The following MACF1 variants were observed in gnomAD, a reference collection of about 807,000 sequenced individuals.
MACF1 encodes microtubule-actin cross-linking factor 1.
Under a neutral mutation model 854.8 loss-of-function variants are expected in MACF1, and 193 were observed. The ratio of observed to expected loss-of-function variants is 0.23; its 90% CI spans 0.20 to 0.25. The LOEUF is 0.25. MACF1 is among the 10% of genes least tolerant of loss of function. MACF1 has a pLI of 1.00. For synonymous variants in MACF1, 3,185 were observed against 3,226.7 expected (o/e 0.99, Z 0.44); for missense variants, 7,722 against 8,929.1 (o/e 0.86, Z 5.45).
chr1:39,106,972 C>T (rs1484928495), intron 2 of MACF1, among the ~76,000 whole-genome samples: 1 of 152,090 alleles, frequency 6.6e-6, no homozygotes, highest in Non-Finnish European at 1.5e-5. Context: ...TTCTGTCAAC[C>T]CCCTGTGGTC....
chr1:39,199,152 A>T (rs1644358768), intron 2 of MACF1, among the ~76,000 whole-genome samples: 1 of 151,422 alleles, frequency 6.6e-6, no homozygotes, highest in Non-Finnish European at 1.5e-5. Context: ...CGGCTGGCTA[A>T]TTTTTTGTAT....
chr1:39,275,925 CT>C (rs35766460), intron 6 of MACF1, among the ~76,000 whole-genome samples: 12 of 146,688 alleles, frequency 8.2e-5, no homozygotes, highest in African/African-American at 2.5e-4. Flanking sequence ...TCTTCTTCTT[CT>C]TTTTTTTTTT....
chr1:39,164,383 C>T (rs1643863674), intron 2 of MACF1, among the ~76,000 whole-genome samples: 1 of 152,156 alleles, frequency 6.6e-6, no homozygotes, highest in Non-Finnish European at 1.5e-5. Context: ...AGCTCTTGGC[C>T]CCTTGTCCTC....
chr1:39,212,366 G>C (rs138285522), intron 1 of MACF1, among the ~76,000 whole-genome samples: 41 of 152,204 alleles, frequency 2.7e-4, no homozygotes, highest in Non-Finnish European at 1.8e-4. Context: ...TGAAGGGAAG[G>C]CCTGTCTCCT....
chr1:39,420,439 T>C (rs1429897821), intron 58 of MACF1, among the ~76,000 whole-genome samples: 1 of 152,260 alleles, frequency 6.6e-6, no homozygotes, highest in Non-Finnish European at 1.5e-5. Flanking sequence ...AGCAGTTGTT[T>C]TTTCTGGGAA....
rs190411012 is a variant in MACF1, at chr1:39,159,661, T to G, written c.221-71521T>G. ...ATGAGAAGAATGTACTCAGATGTGATGTAGGACTCTTTTTGGATATTAAAG... is the reference window on the plus strand; with the variant it reads ...ATGAGAAGAATGTACTCAGATGTGAGGTAGGACTCTTTTTGGATATTAAAG... On this transcript the variant is annotated intron_variant, in intron 2 of 93. Coordinates refer to the MACF1 transcript ENST00000361689. Among the ~76,000 whole-genome samples, 378 of 152,376 alleles carry G rather than the reference T, an allele frequency of 2.5e-3. 3 individuals carry two copies. The highest frequency in any genetic ancestry group is 2.2e-3 in the Non-Finnish European group (151 of 68,042).
In MACF1 at chr1:39,209,793, T is replaced by C. The variant is rs953476374; in HGVS notation, c.109+4662T>C. 2.6e-5 allele frequency among the ~76,000 whole-genome samples: 4 copies of C among 152,038 alleles called. 1 individual carries two copies. Among genetic ancestry groups the C allele is most frequent in the Admixed American group, 2.0e-4 (3 of 15,260 alleles). ...TTTTCTTGAACTTCAGCATAAGACT[T>C]ATAGGTATCCTAGAGCCAGGCATGG... On this transcript the variant is annotated intron_variant, in intron 1 of 100. Transcript: ENST00000564288.
intron 2 of MACF1, among the ~76,000 whole-genome samples, chr1:39,115,776 A>G (rs1642528868): frequency 1.3e-5 from 2 of 152,216 alleles, no homozygotes; most frequent in Admixed American, 6.6e-5. Context: ...TCAGAAGCAG[A>G]GAAAGAGGAT....
chr1:39,331,307 G>T lies in MACF1; in HGVS notation c.4719G>T (p.Val1573=). Residue 1573 remains valine, a synonymous_variant, in exon 37 of 101, where the codon GTG becomes GTT. Coordinates refer to ENST00000564288, the MANE Select transcript of MACF1 (RefSeq NM_001394062.1). ...KGLLDQDTGL[V]LLESQVIMSG... ...TCCTTGACCAAGACACAGGCCTAGT[G>T]CTTCTGGAATCTCAGGTTATCATGT... 1.2e-6 allele frequency: 2 copies of T among 1,613,106 alleles called. No homozygotes were observed. Among genetic ancestry groups the T allele is most frequent in the Non-Finnish European group, 1.7e-6 (2 of 1,179,948 alleles).
chr1:39,187,810 T>C (rs1644192241), intron 2 of MACF1, among the ~76,000 whole-genome samples: 1 of 151,928 alleles, frequency 6.6e-6, no homozygotes, highest in Non-Finnish European at 1.5e-5. Flanking sequence ...TAATACTGCC[T>C]TTTAAGTCTC....
At chr1:39,309,261 GT>G (rs199800653) in intron 23 of MACF1, among the ~76,000 whole-genome samples, 125 of 142,874 alleles carry the variant, frequency 8.7e-4, no homozygotes, top group Admixed American at 8.5e-4. Context: ...ATGTAGTTTA[GT>G]TTTTTTTTTT....
chr1:39,413,932 C>T, intron 58 of MACF1: 1 of 1,605,068 alleles, frequency 6.2e-7, no homozygotes, highest in South Asian at 1.1e-5. Flanking sequence ...AGCTTCAGTG[C>T]CCACCTCTGA....
In MACF1 at chr1:39,334,845, C is replaced by T. The variant is rs761977192; in HGVS notation, c.8257C>T (p.Pro2753Ser). The T allele has an allele frequency of 2.5e-6, 4 of 1,613,944 alleles. No homozygotes were observed. The highest frequency in any genetic ancestry group is 3.4e-6 in the Non-Finnish European group (4 of 1,180,026). ...VEAIEKRLIS[P>S]ELANMIQIDS... Reference sequence around the variant, plus strand: ...AGCTATTGAGAAAAGACTGATCAGCCCTGAACTGGCAAATATGATCCAAAT... The same window carrying T: ...AGCTATTGAGAAAAGACTGATCAGCTCTGAACTGGCAAATATGATCCAAAT... Residue 2753 changes from proline to serine, a missense_variant, in exon 37 of 101, where the codon CCT (proline) becomes TCT (serine). This residue lies in a region of MACF1 where 1,531 missense variants were observed against 1,601.6 expected (regional missense o/e 0.96). Coordinates refer to ENST00000564288, the MANE Select transcript of MACF1 (RefSeq NM_001394062.1).
Position 39,340,732 on chromosome 1 carries a change from T to C in MACF1, c.10431+15T>C, listed in dbSNP as rs376101459. On this transcript the variant is annotated intron_variant, in intron 39 of 100. Transcript: ENST00000564288. ...AAATAGAAAAGGTAGCATTTTGCTT[T>C]TATTCATAAAGGCTCACAAAGTCTG... is the stretch of plus-strand genomic sequence containing the variant. 3.2e-5 allele frequency: 52 copies of C among 1,613,562 alleles called. No individual in the cohort carries two copies. The African/African-American group carries it at 6.3e-4, about 19-fold the overall frequency.
chr1:39,458,406 G>A lies in MACF1; in HGVS notation c.21112G>A (p.Val7038Met), dbSNP rs758722496. Residue 7038 changes from valine (V) to methionine (M), a missense_variant, in exon 90 of 101, where the codon GTG (valine) becomes ATG (methionine). Val to Met is a conservative substitution (Grantham distance 21). Transcript: ENST00000564288. ...MEEMTRKQPD[V>M]DRVTKTYKRK... Reference sequence around the variant, plus strand: ...GGAGATGACTCGCAAACAGCCTGACGTGGACCGGGTCACCAAGACATACAA... The same window carrying A: ...GGAGATGACTCGCAAACAGCCTGACATGGACCGGGTCACCAAGACATACAA... The A allele has an allele frequency of 6.8e-6, 11 of 1,613,850 alleles. No homozygotes were observed. In the African/African-American group the frequency reaches 8.0e-5, roughly 12 times the overall value.
At chr1:39,139,525 C>T (rs1413631412) in intron 2 of MACF1, among the ~76,000 whole-genome samples, 2 of 151,908 alleles carry the variant, frequency 1.3e-5, no homozygotes, top group Non-Finnish European at 2.9e-5. Context: ...CCAAATTTGC[C>T]ACTATTCTTT....
At chr1:39,375,031 A>ACT (rs1553321688) in intron 52 of MACF1, among the ~76,000 whole-genome samples, 6 of 151,554 alleles carry the variant, frequency 4.0e-5, no homozygotes, top group Admixed American at 1.3e-4. Context: ...AATGGCATGA[A>ACT]CCCGGGAGGC....
At chr1:39,210,600 C>T (rs993483086) in intron 1 of MACF1, among the ~76,000 whole-genome samples, 1 of 152,072 alleles carries the variant, frequency 6.6e-6, no homozygotes, top group Non-Finnish European at 1.5e-5. Flanking sequence ...TAAGCTCTTG[C>T]TCTTCTGCTT....
In MACF1 at chr1:39,319,619, A is replaced by C. The variant is rs112972656; in HGVS notation, c.3946-45A>C. ...ACATAGTAAATGTTCAGCTCTTTCA[A>C]TGGTGGTAATGGCAATGATAATGTT... On this transcript the variant is annotated intron_variant, in intron 30 of 100. Transcript: ENST00000564288. The C allele has an allele frequency of 4.7e-6, 6 of 1,285,524 alleles. No homozygotes were observed. The East Asian group carries it at 1.4e-4, about 30-fold the overall frequency. 79.6% of individuals were successfully genotyped at this position (1,285,524 alleles called of 1,614,324 possible). A position where few individuals can be genotyped will look rare whatever the true frequency, so the allele number is the denominator to read the frequency against.
Sources: gnomAD v4.1 joint callset for allele counts (sites outside exome capture counted in the v4.1 genomes callset) on GRCh38, gnomAD v4.1.1 for gene constraint, gnomAD v4.1.1 regional missense constraint, MANE v1.5 for transcripts, NCBI Gene and HGNC (gene_info 2026-07-23, HGNC 2026-07-21) for gene names.